The following EML4 variants were observed in gnomAD, a reference collection of about 807,000 sequenced individuals.
The protein encoded by EML4 is EMAP like 4.
EML4 carries 72 observed loss-of-function variants against 129.0 expected under a neutral mutation model. The observed-to-expected ratio is 0.56, with a 90% CI of 0.46 to 0.68. EML4 has a LOEUF of 0.68. EML4 is among the 30% of genes least tolerant of loss of function. The pLI is 0.00. For synonymous variants in EML4, 532 were observed against 405.0 expected, an observed-to-expected ratio of 1.31 and a Z score of -3.77; for missense variants, 1,363 against 1,190.6, an observed-to-expected ratio of 1.14 and a Z score of -2.13.
At chr2:42,257,652 G>C (rs992743996) in intron 3 of EML4, among the ~76,000 whole-genome samples, 5 of 152,190 alleles carry the variant, frequency 3.3e-5, no homozygotes, top group Admixed American at 3.3e-4. Flanking sequence ...TGGCTAACAC[G>C]GTGAAACCCC....
chr2:42,296,367 G>A (rs1558585714), intron 13 of EML4, among the ~76,000 whole-genome samples: 2 of 152,080 alleles, frequency 1.3e-5, no homozygotes, highest in Admixed American at 1.3e-4. Context: ...GAGGTAATGG[G>A]GAAATCACCC....
chr2:42,315,379 C>T (rs1284218404), intron 17 of EML4, among the ~76,000 whole-genome samples: 1 of 152,186 alleles, frequency 6.6e-6, no homozygotes, highest in Non-Finnish European at 1.5e-5. Flanking sequence ...TCCTGTATTT[C>T]TGTTTTCTAT....
chr2:42,326,648 G>C (rs568880117), intron 21 of EML4, among the ~76,000 whole-genome samples: 7 of 152,304 alleles, frequency 4.6e-5, no homozygotes, highest in East Asian at 3.9e-4. Flanking sequence ...TTGGGAGGCC[G>C]AGGTGGGCAA....
chr2:42,284,975 T>C (rs1247287036), intron 9 of EML4, among the ~76,000 whole-genome samples: 1 of 152,220 alleles, frequency 6.6e-6, no homozygotes, highest in Non-Finnish European at 1.5e-5. Context: ...TTACATTTTC[T>C]TTATATAAAA....
intron 1 of EML4, among the ~76,000 whole-genome samples, chr2:42,230,696 G>A (rs925217236): frequency 3.3e-5 from 5 of 152,262 alleles, no homozygotes; most frequent in African/African-American, 7.2e-5. Context: ...GTGAGCCACC[G>A]TGCCCAGCCA....
At position 42,315,974 on chromosome 2, in the gene EML4, G is replaced by A; in HGVS notation, c.1980G>A (p.Leu660=). 1.9e-6 allele frequency: 3 copies of A among 1,612,270 alleles called. 1 individual carries two copies. In the South Asian group the frequency reaches 3.3e-5, roughly 18 times the overall value. Residue 660 remains leucine (L), a synonymous_variant, in exon 18 of 23, where the codon CTG becomes CTA. Coordinates refer to ENST00000318522, the MANE Select transcript of EML4 (RefSeq NM_019063.5). ...TACTTCTTAACAGGTGGTTTGTTCT[G>A]GATGCAGAAACCAGAGATCTAGTTT... ...IGTHSGRWFV[L]DAETRDLVSI...
Position 42,226,431 on chromosome 2 carries a change from G to A in EML4, c.26-19074G>A, listed in dbSNP as rs553320698. On this transcript the variant is annotated intron_variant, in intron 1 of 22. Transcript: ENST00000318522. ...ACCCAGCACTTTGGGAGGCCGAGGC[G>A]GGCGGATCATGAGGTCAGGAGATCG... 1.2e-3 allele frequency among the ~76,000 whole-genome samples: 144 copies of A among 118,044 alleles called. 1 individual carries two copies. Among genetic ancestry groups the A allele is most frequent in the African/African-American group, 3.9e-3 (138 of 35,324 alleles). 77.4% of individuals were successfully genotyped at this position (118,044 alleles called of 152,430 possible).
chr2:42,281,574 A>T (rs1667013055), intron 7 of EML4, among the ~76,000 whole-genome samples: 1 of 152,186 alleles, frequency 6.6e-6, no homozygotes, highest in Non-Finnish European at 1.5e-5. Flanking sequence ...TGGCCCTGCC[A>T]CTTACTCTCC....
chr2:42,231,049 T>C (rs1674310661), intron 1 of EML4, among the ~76,000 whole-genome samples: 1 of 152,188 alleles, frequency 6.6e-6, no homozygotes, highest in South Asian at 2.1e-4. Flanking sequence ...GGTTAAACCC[T>C]TTCCATCTTC....
intron 1 of EML4, chr2:42,170,047 A>C: frequency 6.1e-6 from 1 of 163,850 alleles, no homozygotes. Flanking sequence ...TTCCACATAC[A>C]CGCCTCTCTT....
intron 19 of EML4, among the ~76,000 whole-genome samples, chr2:42,319,137 T>G (rs1489904902): frequency 1.3e-5 from 2 of 152,234 alleles, no homozygotes; most frequent in Non-Finnish European, 2.9e-5. Context: ...CAGAGAAGAT[T>G]AATGACTTGT....
rs776477901 is a variant in EML4, at chr2:42,330,141, G to A, written c.2880G>A (p.Glu960=). 1.9e-6 allele frequency: 3 copies of A among 1,612,150 alleles called. No homozygotes were observed. Among genetic ancestry groups the A allele is most frequent in the Non-Finnish European group, 2.5e-6 (3 of 1,179,708 alleles). ...CTCTTTATGAAGAGCCATGCAACGA[G>A]ATAAGCAAGGAGCAGGCCAAAGCCA... The part of the protein sequence containing the change: ...GEPLYEEPCN[E]ISKEQAKATL... The change falls in exon 23 of 23, where the codon GAG becomes GAA. Residue 960 remains glutamate, a synonymous_variant. Transcript: ENST00000318522.
chr2:42,328,806 A>G (rs995879486), intron 21 of EML4, 80 bp from the exon 22 acceptor site: 3 of 1,160,168 alleles, frequency 2.6e-6, no homozygotes, highest in African/African-American at 1.6e-5. Context: ...AACAGATTCT[A>G]AAATAAAATA....
intron 8 of EML4, among the ~76,000 whole-genome samples, chr2:42,283,722 C>A (rs1052467553): frequency 6.6e-6 from 1 of 152,194 alleles, no homozygotes; most frequent in South Asian, 2.1e-4. Context: ...TTTACACTTG[C>A]AGAATAATGT....
intron 1 of EML4, among the ~76,000 whole-genome samples, chr2:42,238,711 C>G (rs953232720): frequency 6.6e-6 from 1 of 152,104 alleles, no homozygotes; most frequent in African/African-American, 2.4e-5. Flanking sequence ...TTGAACTGGG[C>G]TCAGACAATT....
At chr2:42,184,932 G>T (rs1671157796) in intron 1 of EML4, among the ~76,000 whole-genome samples, 1 of 152,186 alleles carries the variant, frequency 6.6e-6, no homozygotes, top group South Asian at 2.1e-4. Context: ...CTCATATCCA[G>T]TGCCTAACCG....
chr2:42,247,227 C>T (rs1010339735), intron 2 of EML4, among the ~76,000 whole-genome samples: 1 of 152,184 alleles, frequency 6.6e-6, no homozygotes, highest in Non-Finnish European at 1.5e-5. Flanking sequence ...CTTTGAGAAC[C>T]ACAACTTCTA....
intron 1 of EML4, among the ~76,000 whole-genome samples, chr2:42,191,371 A>G (rs1402249219): frequency 6.6e-6 from 1 of 152,154 alleles, no homozygotes; most frequent in Non-Finnish European, 1.5e-5. Context: ...TAGCTCTGGA[A>G]CAACATCCTC....
chr2:42,224,373 A>G (rs1673814728), intron 1 of EML4, among the ~76,000 whole-genome samples: 1 of 152,164 alleles, frequency 6.6e-6, no homozygotes, highest in African/African-American at 2.4e-5. Context: ...TGCAGCATGT[A>G]TCACTGTTTC....
Sources: gnomAD v4.1 joint callset for allele counts (sites outside exome capture counted in the v4.1 genomes callset) on GRCh38, gnomAD v4.1.1 for gene constraint, MANE v1.5 for transcripts, NCBI Gene and HGNC (gene_info 2026-07-23, HGNC 2026-07-21) for gene names.